The following PKP4 variants were observed in gnomAD, a reference collection of about 807,000 sequenced individuals.
PKP4 encodes the protein plakophilin-4.
PKP4 carries 90 observed loss-of-function variants against 145.1 expected under a neutral mutation model. That is an observed-to-expected ratio of 0.62 (90% confidence interval 0.52 to 0.74). The LOEUF (loss-of-function observed/expected upper bound fraction) is 0.74. PKP4 is among the 30% of genes least tolerant of loss of function. The pLI, the probability that PKP4 is intolerant of heterozygous loss-of-function variation, is 0.00. For synonymous variants in PKP4, 563 were observed against 577.2 expected (o/e 0.98, Z 0.35); for missense variants, 1,340 against 1,482.7 (o/e 0.90, Z 1.58).
At chr2:158,589,794 T>C (rs930103491) in intron 3 of PKP4, among the ~76,000 whole-genome samples, 5 of 152,144 alleles carry the variant, frequency 3.3e-5, no homozygotes, top group Non-Finnish European at 5.9e-5. Flanking sequence ...GTTAAGGACA[T>C]AGAGCAACAA....
chr2:158,582,550 G>A lies in PKP4; in HGVS notation c.245+5167G>A, dbSNP rs567414333. ...TAATAGCCATGGTAAAGACAAAAAC[G>A]CTAATGAATTCCACAATTCATGTGT... On this transcript the variant is annotated intron_variant, in intron 3 of 21. Coordinates refer to ENST00000389759, the MANE Select transcript of PKP4 (RefSeq NM_003628.6). Among the ~76,000 whole-genome samples the A allele has an allele frequency of 2.6e-5, 4 of 152,238 alleles. No individual in the cohort carries two copies. The East Asian group carries it at 5.8e-4, about 22-fold the overall frequency.
At chr2:158,614,851 A>G (rs911877569) in intron 4 of PKP4, among the ~76,000 whole-genome samples, 1 of 151,926 alleles carries the variant, frequency 6.6e-6, no homozygotes, top group Non-Finnish European at 1.5e-5. Context: ...AAGTCTGAAA[A>G]CCCTTCTTTT....
intron 1 of PKP4, among the ~76,000 whole-genome samples, chr2:158,532,866 G>C (rs1211823420): frequency 6.6e-6 from 1 of 151,594 alleles, no homozygotes; most frequent in East Asian, 1.9e-4. Flanking sequence ...TTTCTTTTCT[G>C]TTGCAAAAAC....
chr2:158,469,304 G>A (rs574717879), intron 1 of PKP4, among the ~76,000 whole-genome samples: 14 of 152,046 alleles, frequency 9.2e-5, no homozygotes, highest in African/African-American at 3.4e-4. Flanking sequence ...TGGTCAGGCT[G>A]GTCTCGAACT....
At chr2:158,617,247 A>G (rs1259480207) in intron 4 of PKP4, among the ~76,000 whole-genome samples, 2 of 152,096 alleles carry the variant, frequency 1.3e-5, no homozygotes, top group Admixed American at 6.5e-5. Flanking sequence ...TTAGACATAC[A>G]TTTTCGAAGA....
At chr2:158,629,424 G>A (rs1558916293) in intron 7 of PKP4, among the ~76,000 whole-genome samples, 1 of 152,156 alleles carries the variant, frequency 6.6e-6, no homozygotes, top group Non-Finnish European at 1.5e-5. Context: ...CTGTTTCCTC[G>A]GTTTTGAAAT....
Position 158,509,675 on chromosome 2 carries a change from C to T in PKP4, c.-5-23505C>T, listed in dbSNP as rs186124368. Among the ~76,000 whole-genome samples, 299 of 152,250 alleles carry T rather than the reference C, an allele frequency of 2.0e-3. 4 individuals carry two copies. The highest frequency in any genetic ancestry group is 0.017 in the Admixed American group (262 of 15,294). ...TAGAAATACTAGTGTGGGCCGGGCG[C>T]GGTGGCTCACGCCTGTAATCCCAGC... On this transcript the variant is annotated intron_variant, in intron 1 of 21. Transcript: ENST00000389759.
At chr2:158,620,837 T>C (rs1328911297) in intron 4 of PKP4, among the ~76,000 whole-genome samples, 153 bp from the exon 5 acceptor site, 1 of 152,238 alleles carries the variant, frequency 6.6e-6, no homozygotes, top group Admixed American at 6.5e-5. Flanking sequence ...CACATTCATA[T>C]AGTTAAGAGT....
intron 2 of PKP4, among the ~76,000 whole-genome samples, chr2:158,574,228 C>T (rs1410502661): frequency 1.3e-5 from 2 of 152,142 alleles, no homozygotes; most frequent in Non-Finnish European, 2.9e-5. Flanking sequence ...CTAGGCTCTA[C>T]GAGGAAATTT....
At chr2:158,487,378 T>C (rs1694320148) in intron 1 of PKP4, among the ~76,000 whole-genome samples, 1 of 152,228 alleles carries the variant, frequency 6.6e-6, no homozygotes, top group African/African-American at 2.4e-5. Context: ...ATGTGTGTTT[T>C]ACACATGAGA....
intron 1 of PKP4, among the ~76,000 whole-genome samples, chr2:158,509,483 G>A (rs2041302975): frequency 6.6e-6 from 1 of 152,032 alleles, no homozygotes; most frequent in African/African-American, 2.4e-5. Flanking sequence ...ATCTGAACAG[G>A]TGATGTTTCA....
At chr2:158,608,622 G>A (rs1280565046) in intron 4 of PKP4, among the ~76,000 whole-genome samples, 1 of 151,938 alleles carries the variant, frequency 6.6e-6, no homozygotes, top group Non-Finnish European at 1.5e-5. Flanking sequence ...TCTAAACACA[G>A]CAATCACAAC....
chr2:158,602,757 CATAT>C (rs2050334137), intron 3 of PKP4, among the ~76,000 whole-genome samples: 1 of 151,988 alleles, frequency 6.6e-6, no homozygotes, highest in South Asian at 2.1e-4. Flanking sequence ...ATGTGGTTTT[CATAT>C]TATCACGAAA....
intron 1 of PKP4, among the ~76,000 whole-genome samples, chr2:158,485,862 T>A (rs1694091684): frequency 3.3e-5 from 5 of 152,214 alleles, no homozygotes. Flanking sequence ...ATCCTTAATG[T>A]CAATAATTAA....
chr2:158,631,633 C>A, intron 7 of PKP4, 120 bp from the exon 8 acceptor site: 1 of 838,144 alleles, frequency 1.2e-6, no homozygotes, highest in South Asian at 1.4e-5. Flanking sequence ...TCAAGCCATT[C>A]TCCCACCTCT....
intron 1 of PKP4, among the ~76,000 whole-genome samples, chr2:158,489,569 C>T (rs1320272670): frequency 2.6e-5 from 4 of 152,166 alleles, no homozygotes; most frequent in African/African-American, 7.2e-5. Flanking sequence ...ACTCCTCTGC[C>T]CCCTGCAGCT....
intron 17 of PKP4, among the ~76,000 whole-genome samples, chr2:158,670,116 T>A (rs1195501921): frequency 6.6e-6 from 1 of 152,256 alleles, no homozygotes; most frequent in East Asian, 1.9e-4. Context: ...ATTTTTGGTT[T>A]TCACTTTATT....
intron 1 of PKP4, among the ~76,000 whole-genome samples, chr2:158,485,312 C>T (rs1694006813): frequency 6.6e-6 from 1 of 152,166 alleles, no homozygotes; most frequent in Non-Finnish European, 1.5e-5. Flanking sequence ...TATTATTAGC[C>T]CTGTTTTACA....
intron 4 of PKP4, among the ~76,000 whole-genome samples, chr2:158,616,827 T>A (rs983427380): frequency 6.6e-6 from 1 of 152,212 alleles, no homozygotes; most frequent in Non-Finnish European, 1.5e-5. Context: ...AGACCCTGTT[T>A]CGTACAGCAA....
Sources: gnomAD v4.1 joint callset for allele counts (sites outside exome capture counted in the v4.1 genomes callset) on GRCh38, gnomAD v4.1.1 for gene constraint, MANE v1.5 for transcripts, NCBI Gene and HGNC (gene_info 2026-07-23, HGNC 2026-07-21) for gene names.